RANBP2: variants seen among roughly 807,000 people sequenced by gnomAD.
RANBP2 encodes E3 SUMO-protein ligase RanBP2.
In RANBP2, 57 loss-of-function variants were observed where a neutral mutation model predicts 303.6. The observed-to-expected ratio is 0.19, with a 90% CI of 0.15 to 0.23. RANBP2 has a LOEUF of 0.23. Ranked by LOEUF, RANBP2 falls within the 10% of genes least tolerant of loss-of-function variation. The pLI, the probability that RANBP2 is intolerant of heterozygous loss-of-function variation, is 1.00. For missense variants in RANBP2, 3,138 were observed against 3,780.8 expected, an observed-to-expected ratio of 0.83 and a Z score of 4.46; for synonymous variants, 1,167 against 1,301.5, an observed-to-expected ratio of 0.90 and a Z score of 2.23.
chr2:109,664,145 C>A, the RANBP2 span, among the ~76,000 whole-genome samples: 5 of 152,226 alleles, frequency 3.3e-5, no homozygotes, highest in African/African-American at 9.6e-5. Flanking sequence ...GGTTTTCACC[C>A]ATCCTTCCCA....
chr2:109,143,718 C>A, the RANBP2 span, among the ~76,000 whole-genome samples: 25 of 152,132 alleles, frequency 1.6e-4, no homozygotes, highest in African/African-American at 5.5e-4. Flanking sequence ...CGCACCACTG[C>A]ACTCCAGCCT....
the RANBP2 span, among the ~76,000 whole-genome samples, chr2:109,331,728 A>C: frequency 6.6e-6 from 1 of 152,184 alleles, no homozygotes; most frequent in African/African-American, 2.4e-5. Context: ...AGTTCCTAGA[A>C]CCATGTCTGG....
the RANBP2 span, among the ~76,000 whole-genome samples, chr2:109,571,400 C>A: frequency 6.6e-6 from 1 of 152,254 alleles, no homozygotes; most frequent in Non-Finnish European, 1.5e-5. Flanking sequence ...CTATGACACA[C>A]CTAGGCTGTA....
At chr2:109,555,956 G>A in the RANBP2 span, among the ~76,000 whole-genome samples, 1 of 152,090 alleles carries the variant, frequency 6.6e-6, no homozygotes. Flanking sequence ...CACTGCCATG[G>A]CATTTATATC....
At chr2:109,016,186 A>G in the RANBP2 span, among the ~76,000 whole-genome samples, 2 of 151,872 alleles carry the variant, frequency 1.3e-5, no homozygotes, top group Admixed American at 1.3e-4. Context: ...GGTTCACGCC[A>G]TTCTCCTGCC....
chr2:109,601,825 T>C, the RANBP2 span, among the ~76,000 whole-genome samples: 1 of 152,006 alleles, frequency 6.6e-6, no homozygotes, highest in Non-Finnish European at 1.5e-5. Flanking sequence ...AGTTTTCTAA[T>C]ACTCTACAAG....
At chr2:109,129,251 C>A in the RANBP2 span, 1 of 581,804 alleles carries the variant, frequency 1.7e-6, no homozygotes, top group Admixed American at 2.9e-5. Flanking sequence ...CGGTCCCCCG[C>A]GCGGGGCGGA....
the RANBP2 span, among the ~76,000 whole-genome samples, chr2:109,305,609 A>G: frequency 0.64 from 96,926 of 152,128 alleles, 33,601 homozygotes; most frequent in East Asian, 0.91. Context: ...AGATGAGAAT[A>G]CAAAGGTCTG....
At chr2:108,823,774 G>A in the RANBP2 span, among the ~76,000 whole-genome samples, 2 of 152,192 alleles carry the variant, frequency 1.3e-5, no homozygotes, top group South Asian at 4.1e-4. Flanking sequence ...GAGGTCAGGA[G>A]TTCGAGACCA....
chr2:109,278,036 G>A, the RANBP2 span, among the ~76,000 whole-genome samples: 80 of 147,532 alleles, frequency 5.4e-4, 1 homozygote, highest in African/African-American at 1.8e-3. Flanking sequence ...AAAAAGCCAG[G>A]CATAGTGTCA....
the RANBP2 span, chr2:109,574,443 T>TAAAAA: frequency 3.1e-4 from 84 of 271,274 alleles, no homozygotes; most frequent in Middle Eastern, 1.1e-3. Flanking sequence ...ACTTTATCTC[T>TAAAAA]AAAAAAAAAA....
At chr2:109,701,029 G>C in the RANBP2 span, among the ~76,000 whole-genome samples, 155 of 152,310 alleles carry the variant, frequency 1.0e-3, no homozygotes, top group African/African-American at 3.6e-3. Flanking sequence ...AGGGAAAGCA[G>C]TGGAGCTGAA....
the RANBP2 span, among the ~76,000 whole-genome samples, chr2:109,410,887 C>G: frequency 6.6e-6 from 1 of 152,188 alleles, no homozygotes; most frequent in Non-Finnish European, 1.5e-5. Context: ...GGATGAACAT[C>G]TGTCTGAGGG....
chr2:109,569,672 T>C, the RANBP2 span, among the ~76,000 whole-genome samples: 1 of 152,164 alleles, frequency 6.6e-6, no homozygotes, highest in African/African-American at 2.4e-5. Context: ...TGCCAAGTCC[T>C]TAGTTTCAAT....
At chr2:109,713,487 A>G in the RANBP2 span, among the ~76,000 whole-genome samples, 5 of 152,192 alleles carry the variant, frequency 3.3e-5, no homozygotes, top group South Asian at 4.1e-4. Context: ...GGAAACCCAT[A>G]CAGCCTCTCA....
At chr2:109,397,026 C>T in the RANBP2 span, among the ~76,000 whole-genome samples, 2 of 152,208 alleles carry the variant, frequency 1.3e-5, no homozygotes, top group East Asian at 3.9e-4. Context: ...CTGCAGTTTT[C>T]GGAAAGCCCT....
At chr2:109,683,611 T>C in the RANBP2 span, among the ~76,000 whole-genome samples, 1 of 152,108 alleles carries the variant, frequency 6.6e-6, no homozygotes. Flanking sequence ...TCAGTGACCA[T>C]GCGCCTGGCC....
At chr2:109,335,937 G>A in the RANBP2 span, among the ~76,000 whole-genome samples, 2 of 152,196 alleles carry the variant, frequency 1.3e-5, no homozygotes, top group African/African-American at 4.8e-5. Context: ...AAAGACACTT[G>A]GGGGCTGGGA....
At chr2:109,218,397 G>T in the RANBP2 span, among the ~76,000 whole-genome samples, 1 of 152,138 alleles carries the variant, frequency 6.6e-6, no homozygotes, top group African/African-American at 2.4e-5. Context: ...AAATGTTCTA[G>T]AAACAGTCTT....
Sources: allele counts gnomAD v4.1 joint callset (sites outside exome capture counted in the v4.1 genomes callset), GRCh38; gene constraint gnomAD v4.1.1; transcripts MANE v1.5; gene names NCBI Gene and HGNC (gene_info 2026-07-23, HGNC 2026-07-21).